Variants in ANKS6 observed in about 807,000 individuals in gnomAD.
ANKS6 encodes the protein ankyrin repeat and sterile alpha motif domain containing 6, also known as ankyrin repeat and SAM domain-containing protein 6.
Under a neutral mutation model 77.9 loss-of-function variants are expected in ANKS6, and 47 were observed. That is an observed-to-expected ratio of 0.60 (90% CI 0.48 to 0.77). The LOEUF is 0.77. Ranked by LOEUF, ANKS6 falls within the 30% of genes least tolerant of loss-of-function variation. The pLI, the probability that ANKS6 is intolerant of heterozygous loss-of-function variation, is 0.00. For synonymous variants in ANKS6, 488 were observed against 501.7 expected, an observed-to-expected ratio of 0.97 and a Z score of 0.37; for missense variants, 1,150 against 1,159.1, an observed-to-expected ratio of 0.99 and a Z score of 0.11.
intron 5 of ANKS6, 53 bp from the exon 6 acceptor site, chr9:98,780,390 A>G: frequency 6.6e-7 from 1 of 1,517,890 alleles, no homozygotes; most frequent in African/African-American, 1.4e-5. Context: ...TTGGGCCATA[A>G]GGAGAAGACT....
chr9:98,738,725 T>C (rs1751741296), intron 14 of ANKS6, among the ~76,000 whole-genome samples: 1 of 152,094 alleles, frequency 6.6e-6, no homozygotes, highest in Non-Finnish European at 1.5e-5. Context: ...TACCATTTGA[T>C]CCAGCAATCC....
intron 5 of ANKS6, among the ~76,000 whole-genome samples, chr9:98,781,055 A>T (rs1834222404): frequency 6.6e-6 from 1 of 151,990 alleles, no homozygotes; most frequent in Non-Finnish European, 1.5e-5. Context: ...GCCCGCCATC[A>T]TGCCTGGCTA....
chr9:98,782,289 C>G (rs558446540), intron 5 of ANKS6, among the ~76,000 whole-genome samples, 178 bp downstream of exon 5: 1 of 152,160 alleles, frequency 6.6e-6, no homozygotes, highest in Non-Finnish European at 1.5e-5. Flanking sequence ...TCCAGCGCTT[C>G]ACTGGGGAGG....
At chr9:98,782,610 A>G (rs750656269) in intron 4 of ANKS6, 37 bp from the exon 5 acceptor site, 8 of 1,559,900 alleles carry the variant, frequency 5.1e-6, no homozygotes, top group Non-Finnish European at 7.1e-6. Context: ...CACTGAAAGC[A>G]AAGGCATGGC....
Position 98,751,272 on chromosome 9 carries a change from C to A in ANKS6, c.2327-176G>T, listed in dbSNP as rs554105353. On this transcript the variant is annotated intron_variant, in intron 12 of 14. Coordinates refer to ENST00000353234, the MANE Select transcript of ANKS6 (RefSeq NM_173551.5). ...GATGAGGCTGGAGGTGGGTCCTGAG[C>A]TACCTGCACCCTCTTCCCCTCAAGG... Among the ~76,000 whole-genome samples the A allele has an allele frequency of 2.0e-4, 31 of 152,288 alleles. 1 individual carries two copies. The South Asian group carries it at 6.4e-3, about 32-fold the overall frequency.
intron 2 of ANKS6, among the ~76,000 whole-genome samples, chr9:98,788,644 C>G (rs1047705162): frequency 7.9e-5 from 12 of 152,242 alleles, no homozygotes; most frequent in African/African-American, 2.9e-4. Context: ...CTGCCTTCTG[C>G]TCACCACCAC....
At position 98,771,733 on chromosome 9, in the gene ANKS6, C is replaced by T. The variant is rs150965523; in HGVS notation, c.1822-687G>A. Among the ~76,000 whole-genome samples, 337 of 152,282 alleles carry T rather than the reference C, an allele frequency of 2.2e-3. 1 individual carries two copies. The highest frequency in any genetic ancestry group is 7.6e-3 in the African/African-American group (315 of 41,556). The stretch of plus-strand genomic sequence containing the variant: ...CCTTACCCCACTCCTCCCACAGCGG[C>T]TCCTCCCGGTCCTTGGCTCTCAGGT... On this transcript the variant is annotated intron_variant, in intron 9 of 14. Transcript: ENST00000353234.
chr9:98,733,758 C>A lies in ANKS6; in HGVS notation c.*2761G>T. ...GTGAGAGGCCTGTAGCAAAGATGAT[C>A]GTGTAGCTCGCTTTAGTGTCTGCCA... On this transcript the variant is annotated 3_prime_UTR_variant, in exon 15 of 15. Transcript: ENST00000353234. 1.0e-6 allele frequency: 1 copy of A among 985,484 alleles called. No homozygotes were observed. The highest frequency in any genetic ancestry group is 1.2e-6 in the Non-Finnish European group (1 of 829,994). The allele number at this position is 985,484 out of a possible 1,614,324, so 61.0% of individuals were successfully genotyped here.
chr9:98,794,099 G>C (rs1173462217), intron 1 of ANKS6, among the ~76,000 whole-genome samples: 2 of 134,288 alleles, frequency 1.5e-5, no homozygotes, highest in Non-Finnish European at 3.0e-5. Context: ...GCAGTGAGTC[G>C]AGATCACGCC....
rs375177799 is a variant in ANKS6, at chr9:98,742,886, G to A, written c.2511+2673C>T. 2.3e-4 allele frequency among the ~76,000 whole-genome samples: 35 copies of A among 152,318 alleles called. 1 individual carries two copies. The South Asian group carries it at 7.3e-3, about 32-fold the overall frequency. ...TGAATTTGAGAGGCAACTGAAAAAA[G>A]GCTCTAGTTTATATAAACTTTAAGA... On this transcript the variant is annotated intron_variant, in intron 14 of 14. Coordinates refer to ENST00000353234, the MANE Select transcript of ANKS6 (RefSeq NM_173551.5).
At chr9:98,763,404 G>A (rs1487449446) in intron 11 of ANKS6, among the ~76,000 whole-genome samples, 1 of 151,760 alleles carries the variant, frequency 6.6e-6, no homozygotes, top group Non-Finnish European at 1.5e-5. Flanking sequence ...GGGCCAAAGA[G>A]GAAATCTCAA....
At chr9:98,744,107 G>C (rs1035257028) in intron 14 of ANKS6, among the ~76,000 whole-genome samples, 1 of 152,196 alleles carries the variant, frequency 6.6e-6, no homozygotes, top group Non-Finnish European at 1.5e-5. Flanking sequence ...AAGTGAGGTG[G>C]TCTAGGCCCA....
At chr9:98,743,511 C>A (rs2131929430) in intron 14 of ANKS6, among the ~76,000 whole-genome samples, 2 of 152,320 alleles carry the variant, frequency 1.3e-5, no homozygotes, top group Non-Finnish European at 2.9e-5. Flanking sequence ...CCCCTCTAAC[C>A]AGTGGTTTCC....
At chr9:98,780,414 G>T in intron 5 of ANKS6, 77 bp from the exon 6 acceptor site, 1 of 1,462,064 alleles carries the variant, frequency 6.8e-7, no homozygotes. Context: ...GATGACCCCT[G>T]TTAGACTTAG....
Position 98,790,542 on chromosome 9 carries a change from G to A in ANKS6, c.424C>T (p.Arg142Trp), listed in dbSNP as rs199671276. 2.1e-5 allele frequency: 34 copies of A among 1,613,012 alleles called. No homozygotes were observed. The highest frequency in any genetic ancestry group is 5.3e-5 in the African/African-American group (4 of 75,038). The change falls in exon 2 of 15, where the codon CGG (arginine) becomes TGG (tryptophan). Residue 142 changes from arginine to tryptophan, a missense_variant. Coordinates refer to ENST00000353234, the MANE Select transcript of ANKS6 (RefSeq NM_173551.5). ...DHGADVNAQN[R>W]LGASVLTVAS... Reference sequence around the variant, plus strand: ...ACAGTGAGCACACTGGCCCCCAGCCGGTTCTGGGCATTGACATCAGCCCCG... The same window carrying A: ...ACAGTGAGCACACTGGCCCCCAGCCAGTTCTGGGCATTGACATCAGCCCCG...
intron 14 of ANKS6, among the ~76,000 whole-genome samples, chr9:98,736,881 G>C (rs567820344): frequency 6.6e-6 from 1 of 152,274 alleles, no homozygotes; most frequent in African/African-American, 2.4e-5. Context: ...TGGACAGAGT[G>C]GGAGGCCGAG....
chr9:98,780,371 A>G (rs749280736), intron 5 of ANKS6, 34 bp from the exon 6 acceptor site: 4 of 1,548,952 alleles, frequency 2.6e-6, no homozygotes, highest in Non-Finnish European at 3.5e-6. Context: ...TTACCTGCAA[A>G]TATGTCTGTT....
At position 98,790,329 on chromosome 9, in the gene ANKS6, A is replaced by C. The variant is rs1473473161; in HGVS notation, c.637T>G (p.Trp213Gly). The change falls in exon 2 of 15, where the codon TGG becomes GGG. Residue 213 changes from tryptophan to glycine, a missense_variant. Trp to Gly is a radical substitution (Grantham distance 184). Transcript: ENST00000353234. ...GCTGCGTGGTTGGGGTCCGCGCCCCACTCCATCAGTAGACGCACCACGGCC... is the reference window on the plus strand; with the variant it reads ...GCTGCGTGGTTGGGGTCCGCGCCCCCCTCCATCAGTAGACGCACCACGGCC... The part of the protein sequence containing the change: ...HEAVVRLLME[W>G]GADPNHAART... 1.4e-5 allele frequency: 22 copies of C among 1,610,038 alleles called. No individual in the cohort carries two copies. The highest frequency in any genetic ancestry group is 1.7e-5 in the Non-Finnish European group (20 of 1,177,998).
chr9:98,778,390 T>C lies in ANKS6; in HGVS notation c.1403A>G (p.Lys468Arg). The C allele has an allele frequency of 6.2e-7, 1 of 1,614,108 alleles. No individual in the cohort carries two copies. Among genetic ancestry groups the C allele is most frequent in the South Asian group, 1.1e-5 (1 of 91,068 alleles). ...WWNRMSNRFR[K>R]LKLMQTLPRG... ...GGGCAGCGTCTGCATCAGTTTGAGCTTTCGGAACCGATTGGACATTCGGTT... is the reference window on the plus strand; with the variant it reads ...GGGCAGCGTCTGCATCAGTTTGAGCCTTCGGAACCGATTGGACATTCGGTT... Residue 468 changes from lysine (K) to arginine (R), a missense_variant, in exon 7 of 15, where the codon AAG becomes AGG. Coordinates refer to ENST00000353234, the MANE Select transcript of ANKS6 (RefSeq NM_173551.5).
Sources: allele counts gnomAD v4.1 joint callset (sites outside exome capture counted in the v4.1 genomes callset), GRCh38; gene constraint gnomAD v4.1.1; transcripts MANE v1.5; gene names NCBI Gene and HGNC (gene_info 2026-07-23, HGNC 2026-07-21).